The following CENPB variants were observed in gnomAD, a reference collection of about 807,000 sequenced individuals.
The protein encoded by CENPB is centromere protein B, also known as major centromere autoantigen B.
In CENPB, 19 loss-of-function variants were observed where a neutral mutation model predicts 41.9. The observed-to-expected ratio is 0.45, with a 90% CI of 0.32 to 0.67. The LOEUF is 0.67. Ranked by LOEUF, CENPB falls within the 30% of genes least tolerant of loss-of-function variation. The probability of loss-of-function intolerance (pLI) is 0.04; values close to 1 mark genes in which losing one functional copy is unlikely to be tolerated. For synonymous variants in CENPB, 399 were observed against 354.4 expected, an observed-to-expected ratio of 1.13 and a Z score of -1.41; for missense variants, 614 against 816.2, an observed-to-expected ratio of 0.75 and a Z score of 3.02.
Position 3,786,496 on chromosome 20 carries a change from C to CCCGCCCCGGGGCCCGGCGCCGCCGCCG in CENPB, c.-40_-14dup, listed in dbSNP as rs2088826423. On this transcript the variant is annotated 5_prime_UTR_variant, in exon 1 of 1. Coordinates refer to ENST00000379751, the MANE Select transcript of CENPB (RefSeq NM_001810.6). The stretch of plus-strand genomic sequence containing the variant: ...TCTTGGGGCCCATCCCGGCGCGCCC[C>CCCGCCCCGGGGCCCGGCGCCGCCGCCG]CCGCCCCGGGGCCCGGCGCCGCCGC... The CCCGCCCCGGGGCCCGGCGCCGCCGCCG allele has an allele frequency of 1.4e-5, 16 of 1,172,258 alleles. 1 individual carries two copies. Among genetic ancestry groups the CCCGCCCCGGGGCCCGGCGCCGCCGCCG allele is most frequent in the Non-Finnish European group, 1.8e-5 (16 of 913,028 alleles). The allele number at this position is 1,172,258 out of a possible 1,614,324, so 72.6% of individuals were successfully genotyped here. A position where few individuals can be genotyped will look rare whatever the true frequency, so the allele number is the denominator to read the frequency against.
chr20:3,785,342 G>A lies in CENPB; in HGVS notation c.1142C>T (p.Ala381Val), dbSNP rs1218529101. 1.2e-6 allele frequency: 2 copies of A among 1,602,568 alleles called. No homozygotes were observed. Among genetic ancestry groups the A allele is most frequent in the Admixed American group, 1.7e-5 (1 of 58,784 alleles). The stretch of plus-strand genomic sequence containing the variant: ...AAAGCCAGCCTCACGAAAGCAGGCG[G>A]CTATGTCCGAAGGCTCCACTGCCTG... ...AWQAVEPSDI[A>V]ACFREAGFGG... Residue 381 changes from alanine to valine, a missense_variant, in exon 1 of 1, where the codon GCC (alanine) becomes GTC (valine). Physicochemically the swap from Ala to Val is moderately conservative, Grantham distance 64. This residue lies in a region of CENPB where 537 missense variants were observed against 629.4 expected (regional missense o/e 0.85). Coordinates refer to ENST00000379751, the MANE Select transcript of CENPB (RefSeq NM_001810.6).
Position 3,785,604 on chromosome 20 carries a change from G to A in CENPB, c.880C>T (p.Leu294=). The part of the protein sequence containing the change: ...RMAAESRRVL[L]LAGRLAAQSL... ...TGGGCAGCCAAGCGGCCGGCCAACA[G>A]CAGGACCCGGCGAGACTCTGCAGCC... is the stretch of plus-strand genomic sequence containing the variant. Residue 294 remains leucine, a synonymous_variant, in exon 1 of 1, where the codon CTG becomes TTG. Coordinates refer to ENST00000379751, the MANE Select transcript of CENPB (RefSeq NM_001810.6). 1.2e-6 allele frequency: 2 copies of A among 1,601,874 alleles called. No homozygotes were observed. Among genetic ancestry groups the A allele is most frequent in the Admixed American group, 1.7e-5 (1 of 58,160 alleles).
Position 3,784,308 on chromosome 20 carries a change from G to A in CENPB, c.*376C>T, listed in dbSNP as rs1005133073. 6 of 220,892 alleles carry A rather than the reference G, an allele frequency of 2.7e-5. No individual in the cohort carries two copies. The highest frequency in any genetic ancestry group is 5.2e-5 in the Admixed American group (1 of 19,164). The allele number at this position is 220,892 out of a possible 1,614,324, so 13.7% of individuals were successfully genotyped here. A position where few individuals can be genotyped will look rare whatever the true frequency, so the allele number is the denominator to read the frequency against. ...GGGGTCCCCCCACCAAAGACCTGAC[G>A]TGGATGGCAGAGGGGAGAGGCACTC... On this transcript the variant is annotated 3_prime_UTR_variant, in exon 1 of 1. Coordinates refer to ENST00000379751, the MANE Select transcript of CENPB (RefSeq NM_001810.6). This position sits in a 1 kb window ranked among gnomAD's most constrained non-coding sequence, Gnocchi z 5.2.
At position 3,784,737 on chromosome 20, in the gene CENPB, T is replaced by C. The variant is rs368775626; in HGVS notation, c.1747A>G (p.Arg583Gly). The change falls in exon 1 of 1, where the codon AGG becomes GGG. Residue 583 changes from arginine (R) to glycine (G), a missense_variant. This residue lies in a region of CENPB where 537 missense variants were observed against 629.4 expected (regional missense o/e 0.85). Coordinates refer to ENST00000379751, the MANE Select transcript of CENPB (RefSeq NM_001810.6). The surrounding 1 kb of genome is among the most constrained non-coding windows in gnomAD (Gnocchi z 5.2). ...HLEHDLVHVTRKNHARQAGVR... is the reference protein window; with the variant it reads ...HLEHDLVHVTGKNHARQAGVR... ...CCCGCCTGCCTGGCGTGGTTCTTCC[T>C]GGTCACATGAACCAGATCGTGTTCC... 6.2e-7 allele frequency: 1 copy of C among 1,614,036 alleles called. No homozygotes were observed. The highest frequency in any genetic ancestry group is 8.5e-7 in the Non-Finnish European group (1 of 1,180,012).
chr20:3,785,141 ACCTCCT>A lies in CENPB; in HGVS notation c.1337_1342del (p.Glu446_Glu447del). 7.1e-7 allele frequency: 1 copy of A among 1,416,154 alleles called. No homozygotes were observed. Among genetic ancestry groups the A allele is most frequent in the Non-Finnish European group, 9.3e-7 (1 of 1,072,032 alleles). The allele number at this position is 1,416,154 out of a possible 1,614,324, so 87.7% of individuals were successfully genotyped here. A position where few individuals can be genotyped will look rare whatever the true frequency, so the allele number is the denominator to read the frequency against. On this transcript the variant is annotated inframe_deletion, in exon 1 of 1. Coordinates refer to ENST00000379751, the MANE Select transcript of CENPB (RefSeq NM_001810.6). ...ACTATCAACATCACCCTCCTCCTCCACCTCCTCTTCCTCCCCCAATTCCTCTCCTTC... is the reference window on the plus strand; with the variant it reads ...ACTATCAACATCACCCTCCTCCTCCACTTCCTCCCCCAATTCCTCTCCTTC...
Position 3,785,126 on chromosome 20 carries a change from T to C in CENPB, c.1358A>G (p.Asp453Gly), listed in dbSNP as rs1833772051. The C allele has an allele frequency of 1.3e-6, 2 of 1,599,052 alleles. No homozygotes were observed. The highest frequency in any genetic ancestry group is 1.3e-5 in the African/African-American group (1 of 74,120). Residue 453 changes from aspartate to glycine, a missense_variant, in exon 1 of 1, where the codon GAT (aspartate) becomes GGT (glycine). Physicochemically the swap from Asp to Gly is moderately conservative, Grantham distance 94. Transcript: ENST00000379751. The part of the protein sequence containing the change: ...GEEEEVEEEG[D>G]VDSDEEEEED... The stretch of plus-strand genomic sequence containing the variant: ...CTCCTCTTCTTCATCACTATCAACA[T>C]CACCCTCCTCCTCCACCTCCTCTTC...
rs545901224 is a variant in CENPB, at chr20:3,785,245, T to TTCC, written c.1236_1238dup (p.Glu419dup). 20 of 1,301,912 alleles carry TTCC rather than the reference T, an allele frequency of 1.5e-5. No individual in the cohort carries two copies. Among genetic ancestry groups the TTCC allele is most frequent in the East Asian group, 1.0e-4 (2 of 19,632 alleles). The allele number at this position is 1,301,912 out of a possible 1,614,324, so 80.6% of individuals were successfully genotyped here. ...CTTCACCCTCTTCCTCCTCCTCTTCTTCCTCCTCCTCCTCCTCTTCCTCTC... is the reference window on the plus strand; with the variant it reads ...CTTCACCCTCTTCCTCCTCCTCTTCTTCCTCCTCCTCCTCCTCCTCTTCCTCTC... On this transcript the variant is annotated inframe_insertion, in exon 1 of 1. Transcript: ENST00000379751.
chr20:3,785,819 G>A lies in CENPB; in HGVS notation c.665C>T (p.Thr222Ile). The change falls in exon 1 of 1, where the codon ACC becomes ATC. Residue 222 changes from threonine (T) to isoleucine (I), a missense_variant. Around this residue, in one of 2 missense-constraint regions of CENPB, gnomAD observed 537 missense variants for 629.4 expected, o/e 0.85. Coordinates refer to ENST00000379751, the MANE Select transcript of CENPB (RefSeq NM_001810.6). ...GCATAGCAGGACGCTCAGGCGCTGG[G>A]TGGCTTGACGCGGCCGTCCGTCGCC... is the stretch of plus-strand genomic sequence containing the variant. ...CGGDGRPRQA[T>I]QRLSVLLCAN... 2 of 1,609,356 alleles carry A rather than the reference G, an allele frequency of 1.2e-6. No homozygotes were observed. The highest frequency in any genetic ancestry group is 1.3e-5 in the African/African-American group (1 of 74,934).
At position 3,784,416 on chromosome 20, in the gene CENPB, C is replaced by CT. The variant is rs1454352574; in HGVS notation, c.*267dup. On this transcript the variant is annotated 3_prime_UTR_variant, in exon 1 of 1. Transcript: ENST00000379751. The surrounding 1 kb of genome is among the most constrained non-coding windows in gnomAD (Gnocchi z 5.2). ...GGCACGGTGTGGTAGCACCGGACAGCTCCCCACCCGCCCCACCTGGTCCCC... is the reference window on the plus strand; with the variant it reads ...GGCACGGTGTGGTAGCACCGGACAGCTTCCCCACCCGCCCCACCTGGTCCCC... 2 of 475,494 alleles carry CT rather than the reference C, an allele frequency of 4.2e-6. No individual in the cohort carries two copies. Among genetic ancestry groups the CT allele is most frequent in the African/African-American group, 3.9e-5 (2 of 50,832 alleles). 29.5% of individuals were successfully genotyped at this position (475,494 alleles called of 1,614,324 possible).
At position 3,784,037 on chromosome 20, in the gene CENPB, G is replaced by A. The variant is rs2088797438; in HGVS notation, c.*647C>T. The A allele has an allele frequency of 6.5e-6, 1 of 153,256 alleles. No individual in the cohort carries two copies. 9.5% of individuals were successfully genotyped at this position (153,256 alleles called of 1,614,324 possible). On this transcript the variant is annotated 3_prime_UTR_variant, in exon 1 of 1. Transcript: ENST00000379751. The surrounding 1 kb of genome is among the most constrained non-coding windows in gnomAD (Gnocchi z 5.2). ...AGCTGCCCACAAGGAAGCGCCCTTG[G>A]TTACTTCCACGGTGGGGGGCCTCTT...
chr20:3,784,113 G>C lies in CENPB; in HGVS notation c.*571C>G, dbSNP rs2088797917. The C allele has an allele frequency of 6.4e-6, 1 of 156,184 alleles. No individual in the cohort carries two copies. Among genetic ancestry groups the C allele is most frequent in the Non-Finnish European group, 1.4e-5 (1 of 70,344 alleles). 9.7% of individuals were successfully genotyped at this position (156,184 alleles called of 1,614,324 possible). On this transcript the variant is annotated 3_prime_UTR_variant, in exon 1 of 1. Transcript: ENST00000379751. The surrounding 1 kb of genome is among the most constrained non-coding windows in gnomAD (Gnocchi z 5.2). ...CCAAGGGCCAAAGTCACATGGACAG[G>C]GCCAGAGAAAGGGACTGGGGAGGTG...
rs374256394 is a variant in CENPB at position 3,784,426 on chromosome 20, G to A, written c.*258C>T. On this transcript the variant is annotated 3_prime_UTR_variant, in exon 1 of 1. Transcript: ENST00000379751. The surrounding 1 kb of genome is among the most constrained non-coding windows in gnomAD (Gnocchi z 5.2). ...GGTAGCACCGGACAGCTCCCCACCC[G>A]CCCCACCTGGTCCCCTGAGCCCAGG... 31 of 485,764 alleles carry A rather than the reference G, an allele frequency of 6.4e-5. No individual in the cohort carries two copies. In the East Asian group the frequency reaches 1.1e-3, roughly 17 times the overall value. 30.1% of individuals were successfully genotyped at this position (485,764 alleles called of 1,614,324 possible). A position where few individuals can be genotyped will look rare whatever the true frequency, so the allele number is the denominator to read the frequency against.
rs138025965 is a variant in CENPB, at chr20:3,785,131, C to T, written c.1353G>A (p.Glu451=). The change falls in exon 1 of 1, where the codon GAG becomes GAA. Residue 451 remains glutamate (E), a synonymous_variant. Coordinates refer to ENST00000379751, the MANE Select transcript of CENPB (RefSeq NM_001810.6). ...ELGEEEEVEE[E]GDVDSDEEEE... is the part of the protein sequence containing the mutation. Reference sequence around the variant, plus strand: ...CTTCTTCATCACTATCAACATCACCCTCCTCCTCCACCTCCTCTTCCTCCC... The same window carrying T: ...CTTCTTCATCACTATCAACATCACCTTCCTCCTCCACCTCCTCTTCCTCCC... The T allele has an allele frequency of 9.0e-5, 144 of 1,597,846 alleles. 3 individuals are homozygous for T. The South Asian group carries it at 1.0e-3, about 11-fold the overall frequency.
Position 3,785,522 on chromosome 20 carries a change from G to A in CENPB, c.962C>T (p.Thr321Ile), listed in dbSNP as rs566480942. The change falls in exon 1 of 1, where the codon ACC becomes ATC. Residue 321 changes from threonine to isoleucine, a missense_variant. Transcript: ENST00000379751. ...CACTCCCCTCTCCAGCGGATGCACG[G>A]TGCCGGGAGGGAAGAAGGCCAGCTG... ...HVQLAFFPPG[T>I]VHPLERGVVQ... The A allele has an allele frequency of 5.6e-6, 9 of 1,597,990 alleles. No homozygotes were observed. The South Asian group carries it at 9.0e-5, about 16-fold the overall frequency.
Position 3,786,046 on chromosome 20 carries a change from A to T in CENPB, c.438T>A (p.Ala146=). The change falls in exon 1 of 1, where the codon GCT becomes GCA. Residue 146 remains alanine (A), a synonymous_variant. Transcript: ENST00000379751. ...CAGGCGCCGCCGGGGTGCGGGGGGC[A>T]GCGTTTCGCGCGCGGGCGCGGGCCA... ...SGVARARARN[A]APRTPAAPAS... The T allele has an allele frequency of 6.7e-7, 1 of 1,487,514 alleles. No individual in the cohort carries two copies. Among genetic ancestry groups the T allele is most frequent in the Non-Finnish European group, 8.8e-7 (1 of 1,133,596 alleles). The allele number at this position is 1,487,514 out of a possible 1,614,324, so 92.1% of individuals were successfully genotyped here. A position where few individuals can be genotyped will look rare whatever the true frequency, so the allele number is the denominator to read the frequency against.
chr20:3,785,464 G>A lies in CENPB; in HGVS notation c.1020C>T (p.Ala340=), dbSNP rs1352256290. Residue 340 remains alanine, a synonymous_variant, in exon 1 of 1, where the codon GCC becomes GCT. Coordinates refer to ENST00000379751, the MANE Select transcript of CENPB (RefSeq NM_001810.6). ...GCGCGGCCATGGCCTTGAGCAGCATGGCCTGGCGGTAGTGGCCCTTCACCT... is the reference window on the plus strand; with the variant it reads ...GCGCGGCCATGGCCTTGAGCAGCATAGCCTGGCGGTAGTGGCCCTTCACCT... ...VQQVKGHYRQ[A]MLLKAMAALE... 1 of 1,590,300 alleles carries A rather than the reference G, an allele frequency of 6.3e-7. No homozygotes were observed. Among genetic ancestry groups the A allele is most frequent in the Non-Finnish European group, 8.6e-7 (1 of 1,168,758 alleles).
At position 3,785,629 on chromosome 20, in the gene CENPB, C is replaced by A; in HGVS notation, c.855G>T (p.Met285Ile). 6.2e-7 allele frequency: 1 copy of A among 1,605,596 alleles called. No homozygotes were observed. The highest frequency in any genetic ancestry group is 8.5e-7 in the Non-Finnish European group (1 of 1,176,286). The change falls in exon 1 of 1, where the codon ATG (methionine) becomes ATT (isoleucine). Residue 285 changes from methionine to isoleucine, a missense_variant. By Grantham distance (10) the Met-to-Ile change is conservative (BLOSUM62 1). Around this residue, in one of 2 missense-constraint regions of CENPB, gnomAD observed 537 missense variants for 629.4 expected, o/e 0.85. Transcript: ENST00000379751. ...GCAGGACCCGGCGAGACTCTGCAGC[C>A]ATTCGGGTGTCCAAGGCCTTCAAGT... ...AKYLKALDTRMAAESRRVLLL... is the reference protein window; with the variant it reads ...AKYLKALDTRIAAESRRVLLL...
Position 3,784,858 on chromosome 20 carries a change from G to C in CENPB, c.1626C>G (p.Pro542=). 6.2e-7 allele frequency: 1 copy of C among 1,614,022 alleles called. No homozygotes were observed. The highest frequency in any genetic ancestry group is 8.5e-7 in the Non-Finnish European group (1 of 1,179,962). Residue 542 remains proline, a synonymous_variant, in exon 1 of 1, where the codon CCC becomes CCG. Coordinates refer to ENST00000379751, the MANE Select transcript of CENPB (RefSeq NM_001810.6). This position sits in a 1 kb window ranked among gnomAD's most constrained non-coding sequence, Gnocchi z 5.2. ...DEEDGDEVPV[P]SFGEAMAYFA... is the part of the protein sequence containing the mutation. ...AGTAAGCCATGGCCTCCCCAAAGCTGGGTACAGGCACCTCATCACCATCCT... is the reference window on the plus strand; with the variant it reads ...AGTAAGCCATGGCCTCCCCAAAGCTCGGTACAGGCACCTCATCACCATCCT...
At position 3,785,929 on chromosome 20, in the gene CENPB, G is replaced by A. The variant is rs145528188; in HGVS notation, c.555C>T (p.Gly185=). 79 of 1,601,500 alleles carry A rather than the reference G, an allele frequency of 4.9e-5. 1 individual carries two copies. In the African/African-American group the frequency reaches 9.4e-4, roughly 19 times the overall value. The change falls in exon 1 of 1, where the codon GGC becomes GGT. Residue 185 remains glycine, a synonymous_variant. Coordinates refer to ENST00000379751, the MANE Select transcript of CENPB (RefSeq NM_001810.6). Reference sequence around the variant, plus strand: ...CGCTGAACACGTCCTGCGAGGCGTAGCCCTCGGCCACCGACGGCGGCTGCT... The same window carrying A: ...CGCTGAACACGTCCTGCGAGGCGTAACCCTCGGCCACCGACGGCGGCTGCT... The part of the protein sequence containing the change: ...REEQPPSVAE[G]YASQDVFSAT...
Sources: gnomAD v4.1 joint callset for allele counts on GRCh38, gnomAD v4.1.1 for gene constraint, gnomAD v4.1.1 regional missense constraint, Gnocchi (gnomAD v3.1) non-coding constraint, MANE v1.5 for transcripts, NCBI Gene and HGNC (gene_info 2026-07-23, HGNC 2026-07-21) for gene names.